Variants in SRCIN1 observed in about 807,000 individuals in gnomAD.
SRCIN1 encodes the protein P130Cas-associated protein.
Under a neutral mutation model 116.2 loss-of-function variants are expected in SRCIN1, and 50 were observed. That is an observed-to-expected ratio of 0.43 (90% confidence interval 0.34 to 0.54). The LOEUF (loss-of-function observed/expected upper bound fraction) is 0.54, where lower values mean the gene tolerates loss of function less well. Ranked by LOEUF, SRCIN1 falls within the 20% of genes least tolerant of loss-of-function variation. The pLI, the probability that SRCIN1 is intolerant of heterozygous loss-of-function variation, is 0.02. For synonymous variants in SRCIN1, 736 were observed against 750.0 expected, an observed-to-expected ratio of 0.98 and a Z score of 0.30; for missense variants, 1,446 against 1,672.0, an observed-to-expected ratio of 0.86 and a Z score of 2.36.
chr17:38,540,530 G>A (rs1904665418), intron 18 of SRCIN1, among the ~76,000 whole-genome samples: 1 of 152,116 alleles, frequency 6.6e-6, no homozygotes, highest in South Asian at 2.1e-4. Flanking sequence ...ACGAAGAAAG[G>A]GCCTGAGAAG....
chr17:38,605,973 G>A (rs1312783638), upstream of SRCIN1: 2 of 144,496 alleles, frequency 1.4e-5, no homozygotes, highest in East Asian at 4.1e-4. Context: ...GGGCCGGCGC[G>A]GGTGTGTCAC....
chr17:38,589,871 C>T (rs940363850), intron 1 of SRCIN1, among the ~76,000 whole-genome samples: 9 of 152,130 alleles, frequency 5.9e-5, no homozygotes, highest in African/African-American at 2.2e-4. Context: ...GTTAGTATCC[C>T]GAGAGACTCT....
At chr17:38,555,385 C>T (rs1450623506) in intron 11 of SRCIN1, among the ~76,000 whole-genome samples, 1 of 152,184 alleles carries the variant, frequency 6.6e-6, no homozygotes, top group East Asian at 1.9e-4. Flanking sequence ...TTGGAAAACA[C>T]ATGTTGAAGA....
intron 1 of SRCIN1, among the ~76,000 whole-genome samples, chr17:38,579,087 G>T (rs1282726362): frequency 2.0e-5 from 3 of 152,226 alleles, no homozygotes; most frequent in Non-Finnish European, 4.4e-5. Flanking sequence ...GCCCTTTGAG[G>T]CCAAGGGTTG....
chr17:38,558,495 A>G lies in SRCIN1; in HGVS notation c.2026-93T>C, dbSNP rs1392375640. 6 of 1,407,952 alleles carry G rather than the reference A, an allele frequency of 4.3e-6. No individual in the cohort carries two copies. Among genetic ancestry groups the G allele is most frequent in the South Asian group, 1.3e-5 (1 of 76,756 alleles). The allele number at this position is 1,407,952 out of a possible 1,614,324, so 87.2% of individuals were successfully genotyped here. ...GAGAAGGCGGGTAGAGGACTGCCCA[A>G]TCCAGGGCGGGGCTCTGCAGAAGAA... On this transcript the variant is annotated intron_variant, in intron 10 of 18. Transcript: ENST00000617146. The surrounding 1 kb of genome is among the most constrained non-coding windows in gnomAD (Gnocchi z 4.6).
chr17:38,535,733 G>A (rs1208722812), intron 18 of SRCIN1, among the ~76,000 whole-genome samples: 2 of 152,074 alleles, frequency 1.3e-5, no homozygotes, highest in Non-Finnish European at 2.9e-5. Flanking sequence ...GCTCAGTCCT[G>A]CCTCTCCTCT....
chr17:38,575,314 A>T (rs1413939054), intron 2 of SRCIN1, among the ~76,000 whole-genome samples: 1 of 152,156 alleles, frequency 6.6e-6, no homozygotes, highest in Non-Finnish European at 1.5e-5. Flanking sequence ...CAGTGGCACG[A>T]TCATGGCTCA....
chr17:38,533,195 C>T lies in SRCIN1; in HGVS notation c.*102G>A, dbSNP rs1407419493. On this transcript the variant is annotated 3_prime_UTR_variant, in exon 19 of 19. Coordinates refer to ENST00000617146, the MANE Select transcript of SRCIN1 (RefSeq NM_025248.3). ...CCTCTTCAGGGCACACCCCTCAGGG[C>T]GTCTGGAGAGTAGGGTGGGGTGGGG... 8.5e-6 allele frequency: 12 copies of T among 1,414,674 alleles called. No individual in the cohort carries two copies. Among genetic ancestry groups the T allele is most frequent in the African/African-American group, 3.2e-5 (2 of 62,848 alleles). 87.6% of individuals were successfully genotyped at this position (1,414,674 alleles called of 1,614,324 possible). A position where few individuals can be genotyped will look rare whatever the true frequency, so the allele number is the denominator to read the frequency against.
chr17:38,606,680 C>T (rs922129873), upstream of SRCIN1, among the ~76,000 whole-genome samples: 1 of 152,230 alleles, frequency 6.6e-6, no homozygotes. The surrounding 1 kb of genome is among the most constrained non-coding windows in gnomAD (Gnocchi z 5.2). Context: ...TCACTGCCGC[C>T]TCTACTTCAG....
In SRCIN1 at chr17:38,604,594, G is replaced by C; in HGVS notation, c.22+1090C>G. ...GGGCAAAGCGCCGGAGGCACTGCCA[G>C]GGCTGCATGGGGACGCGTGGGGCTG... On this transcript the variant is annotated intron_variant, in intron 1 of 18. Transcript: ENST00000617146. The surrounding 1 kb of genome is among the most constrained non-coding windows in gnomAD (Gnocchi z 4.3). 2.2e-6 allele frequency: 1 copy of C among 448,056 alleles called. No homozygotes were observed. The highest frequency in any genetic ancestry group is 1.6e-5 in the South Asian group (1 of 63,670). The allele number at this position is 448,056 out of a possible 1,614,324, so 27.8% of individuals were successfully genotyped here.
chr17:38,598,152 C>G (rs1033615723), intron 1 of SRCIN1, among the ~76,000 whole-genome samples: 1 of 152,126 alleles, frequency 6.6e-6, no homozygotes, highest in Non-Finnish European at 1.5e-5. Flanking sequence ...GCCCTTGCCT[C>G]TGCACAGAGT....
At position 38,564,146 on chromosome 17, in the gene SRCIN1, C is replaced by T. The variant is rs758772037; in HGVS notation, c.513G>A (p.Ser171=). Residue 171 remains serine (S), a synonymous_variant, in exon 4 of 19, where the codon TCG becomes TCA. Transcript: ENST00000617146. ...GGGAGCGCAGCTTGGTCTGGCTGGC[C>T]GAGCGGGAGAGAGGCAGGCTCTGTC... ...RFRQSLPLSR[S]ASQTKLRSPG... 1.2e-6 allele frequency: 2 copies of T among 1,600,280 alleles called. No individual in the cohort carries two copies. Among genetic ancestry groups the T allele is most frequent in the African/African-American group, 2.7e-5 (2 of 74,640 alleles).
In SRCIN1 at chr17:38,560,368, G is replaced by T; in HGVS notation, c.1758C>A (p.Ser586Arg). ...CAGGCTCAGAGCCTCGCAGTAAGGC[G>T]CTCTGCACCAGGCCTGTGAGGCTGG... The part of the protein sequence containing the change: ...QIASLTGLVQ[S>R]ALLRGSEPET... Residue 586 changes from serine (S) to arginine (R), a missense_variant, in exon 8 of 19, where the codon AGC becomes AGA. Physicochemically the swap from Ser to Arg is moderately radical, Grantham distance 110. Coordinates refer to ENST00000617146, the MANE Select transcript of SRCIN1 (RefSeq NM_025248.3). 6.2e-7 allele frequency: 1 copy of T among 1,611,842 alleles called. No individual in the cohort carries two copies. The highest frequency in any genetic ancestry group is 8.5e-7 in the Non-Finnish European group (1 of 1,179,046).
intron 1 of SRCIN1, among the ~76,000 whole-genome samples, chr17:38,605,189 T>A (rs1934645841): frequency 6.6e-6 from 1 of 151,986 alleles, no homozygotes; most frequent in South Asian, 2.1e-4. Flanking sequence ...TCCTAGCCCG[T>A]GCACCCCATT....
chr17:38,594,862 C>A (rs922830168), intron 1 of SRCIN1, among the ~76,000 whole-genome samples: 36 of 152,280 alleles, frequency 2.4e-4, no homozygotes, highest in African/African-American at 8.7e-4. Flanking sequence ...CCCATACACC[C>A]TCCTCCAGCC....
chr17:38,534,629 G>T (rs533159577), intron 18 of SRCIN1, among the ~76,000 whole-genome samples: 1 of 152,178 alleles, frequency 6.6e-6, no homozygotes, highest in Non-Finnish European at 1.5e-5. Context: ...CTGCTGCTAC[G>T]GAGTTTTCTC....
At position 38,604,665 on chromosome 17, in the gene SRCIN1, G is replaced by T. The variant is rs558059908; in HGVS notation, c.22+1019C>A. Reference sequence around the variant, plus strand: ...GCACACGCCCCGCCGGGCCCTGACAGCTGAGCTGCGGAGGCACCCGGCCTG... The same window carrying T: ...GCACACGCCCCGCCGGGCCCTGACATCTGAGCTGCGGAGGCACCCGGCCTG... On this transcript the variant is annotated intron_variant, in intron 1 of 18. Transcript: ENST00000617146. This position sits in a 1 kb window ranked among gnomAD's most constrained non-coding sequence, Gnocchi z 4.3. The T allele has an allele frequency of 3.4e-3, 1,299 of 385,528 alleles. 5 individuals carry two copies. Among genetic ancestry groups the T allele is most frequent in the Non-Finnish European group, 5.8e-3 (1,120 of 193,688 alleles). 23.9% of individuals were successfully genotyped at this position (385,528 alleles called of 1,614,324 possible). A position where few individuals can be genotyped will look rare whatever the true frequency, so the allele number is the denominator to read the frequency against.
chr17:38,543,840 T>A lies in SRCIN1; in HGVS notation c.3400A>T (p.Ile1134Phe). The A allele has an allele frequency of 6.2e-7, 1 of 1,607,126 alleles. No individual in the cohort carries two copies. The change falls in exon 18 of 19, where the codon ATC (isoleucine) becomes TTC (phenylalanine). Residue 1134 changes from isoleucine to phenylalanine, a missense_variant. Ile to Phe is a conservative substitution (Grantham distance 21, BLOSUM62 0). Around this residue, in one of 5 missense-constraint regions of SRCIN1, gnomAD observed 531 missense variants for 633.9 expected, o/e 0.84. Transcript: ENST00000617146. Reference sequence around the variant, plus strand: ...GCCCTCACCTGCTGCTGGGCCTGGATCCGCATGTACTCGGCCCTCTGCTTG... The same window carrying A: ...GCCCTCACCTGCTGCTGGGCCTGGAACCGCATGTACTCGGCCCTCTGCTTG... ...HGKQRAEYMR[I>F]QAQQQATKPS... is the part of the protein sequence containing the mutation.
rs1250858557 is a variant in SRCIN1 at position 38,552,875 on chromosome 17, C to G, written c.2202-20G>C. On this transcript the variant is annotated intron_variant, in intron 11 of 18. Transcript: ENST00000617146. This position sits in a 1 kb window ranked among gnomAD's most constrained non-coding sequence, Gnocchi z 5.3. The stretch of plus-strand genomic sequence containing the variant: ...AGGTCACTGCAGCCACAGAGAGACC[C>G]TTTCAGCCCTTTTGGCCTGAGATGC... 1.2e-6 allele frequency: 2 copies of G among 1,604,928 alleles called. No individual in the cohort carries two copies.
Sources: allele counts gnomAD v4.1 joint callset (sites outside exome capture counted in the v4.1 genomes callset), GRCh38; gene constraint gnomAD v4.1.1; regional missense constraint gnomAD v4.1.1; non-coding constraint Gnocchi (gnomAD v3.1); transcripts MANE v1.5; gene names NCBI Gene and HGNC (gene_info 2026-07-23, HGNC 2026-07-21).